The following UNC13C variants were observed in gnomAD, a reference collection of about 807,000 sequenced individuals.
UNC13C encodes unc-13 homolog C.
In UNC13C, 174 loss-of-function variants were observed where a neutral mutation model predicts 245.4. That is an observed-to-expected ratio of 0.71 (90% CI 0.63 to 0.80). The LOEUF (loss-of-function observed/expected upper bound fraction) is 0.80, where lower values mean the gene tolerates loss of function less well. UNC13C is among the 30% of genes least tolerant of loss of function. The pLI, the probability that UNC13C is intolerant of heterozygous loss-of-function variation, is 0.00. For synonymous variants in UNC13C, 992 were observed against 895.1 expected (o/e 1.11, Z -1.93); for missense variants, 2,829 against 2,602.9 (o/e 1.09, Z -1.89).
chr15:53,961,247 C>T, the UNC13C span, among the ~76,000 whole-genome samples: 1 of 152,246 alleles, frequency 6.6e-6, no homozygotes, highest in Non-Finnish European at 1.5e-5. Context: ...GGCACAGCAC[C>T]GGACCATGAA....
At chr15:53,997,726 T>C (rs545056355) in intron 1 of UNC13C, among the ~76,000 whole-genome samples, 1 of 152,292 alleles carries the variant, frequency 6.6e-6, no homozygotes, top group Admixed American at 6.5e-5. Flanking sequence ...GTTATATCAG[T>C]ATCACTACTA....
chr15:54,416,288 C>T (rs2140952424), intron 19 of UNC13C, among the ~76,000 whole-genome samples: 1 of 152,178 alleles, frequency 6.6e-6, no homozygotes, highest in East Asian at 1.9e-4. Flanking sequence ...TCGTGTTTAT[C>T]ATGCTAATGT....
chr15:54,574,290 A>G (rs1466183285), intron 30 of UNC13C, among the ~76,000 whole-genome samples: 1 of 151,966 alleles, frequency 6.6e-6, no homozygotes, highest in Non-Finnish European at 1.5e-5. Context: ...TAAAATTGAT[A>G]GTTAGCTTGA....
intron 2 of UNC13C, among the ~76,000 whole-genome samples, chr15:54,108,019 A>G (rs1900534679): frequency 6.6e-6 from 1 of 152,198 alleles, no homozygotes; most frequent in South Asian, 2.1e-4. Flanking sequence ...TAAAAGAGAA[A>G]AAAACATACT....
chr15:54,310,732 C>A (rs2037845667), intron 13 of UNC13C, among the ~76,000 whole-genome samples: 1 of 143,290 alleles, frequency 7.0e-6, no homozygotes, highest in Non-Finnish European at 1.5e-5. Flanking sequence ...TTTATCCCGC[C>A]TCATTTTATA....
At chr15:54,313,064 C>A (rs1031186411) in intron 13 of UNC13C, among the ~76,000 whole-genome samples, 11 of 151,594 alleles carry the variant, frequency 7.3e-5, no homozygotes, top group Admixed American at 5.9e-4. Flanking sequence ...TCCATCATGC[C>A]CCAGAAATCA....
Position 54,015,897 on chromosome 15 carries a change from T to C in UNC13C, c.2983+11T>C. On this transcript the variant is annotated intron_variant, in intron 2 of 32. Coordinates refer to ENST00000260323, the MANE Select transcript of UNC13C (RefSeq NM_001080534.3). ...AGATCTTGGCTGGAGGTATTCATGT[T>C]TAAATGCTACATTGTGAGCTAATTG... is the stretch of plus-strand genomic sequence containing the variant. 6.4e-7 allele frequency: 1 copy of C among 1,551,232 alleles called. No individual in the cohort carries two copies. Among genetic ancestry groups the C allele is most frequent in the Non-Finnish European group, 8.7e-7 (1 of 1,151,120 alleles).
At chr15:54,031,472 C>T (rs1172883817) in intron 2 of UNC13C, among the ~76,000 whole-genome samples, 2 of 152,238 alleles carry the variant, frequency 1.3e-5, no homozygotes, top group Non-Finnish European at 2.9e-5. Context: ...ATCTGCCCGC[C>T]TCGGCTTCCC....
chr15:54,087,028 C>A lies in UNC13C; in HGVS notation c.2984-55990C>A, dbSNP rs114999704. ...GGATTACAGACGTGAGCCACTGCAC[C>A]TGGCCTTTTGCTTATTTTCCACCTC... On this transcript the variant is annotated intron_variant, in intron 2 of 32. Transcript: ENST00000260323. 3.4e-3 allele frequency among the ~76,000 whole-genome samples: 521 copies of A among 152,190 alleles called. 6 individuals carry two copies. Among genetic ancestry groups the A allele is most frequent in the African/African-American group, 0.012 (507 of 41,518 alleles).
At chr15:54,198,570 C>T (rs928829347) in intron 4 of UNC13C, among the ~76,000 whole-genome samples, 1 of 152,156 alleles carries the variant, frequency 6.6e-6, no homozygotes, top group African/African-American at 2.4e-5. Flanking sequence ...CAACCCAGAG[C>T]CTGGCAGCTC....
intron 19 of UNC13C, among the ~76,000 whole-genome samples, chr15:54,437,322 G>A (rs1890272419): frequency 1.3e-5 from 2 of 151,890 alleles, no homozygotes; most frequent in African/African-American, 4.8e-5. Flanking sequence ...ATATTCAATA[G>A]CATCTAAATA....
At chr15:53,978,411 G>A (rs1273374360), upstream of UNC13C, among the ~76,000 whole-genome samples, 2 of 152,100 alleles carry the variant, frequency 1.3e-5, no homozygotes, top group African/African-American at 4.8e-5. Context: ...GGTGGAGGAG[G>A]CTGGGGATCG....
chr15:54,050,876 A>G (rs931218737), intron 2 of UNC13C: 24 of 558,806 alleles, frequency 4.3e-5, no homozygotes, highest in South Asian at 3.0e-4. Flanking sequence ...CTTCAGTCTC[A>G]TGACTCCACT....
At chr15:53,936,758 C>T in the UNC13C span, among the ~76,000 whole-genome samples, 4 of 152,238 alleles carry the variant, frequency 2.6e-5, no homozygotes, top group South Asian at 6.2e-4. Flanking sequence ...CTGGAGTGGA[C>T]CCCCAGCAAA....
intron 17 of UNC13C, among the ~76,000 whole-genome samples, chr15:54,364,084 C>T (rs2039300728): frequency 1.3e-5 from 2 of 152,178 alleles, no homozygotes; most frequent in African/African-American, 4.8e-5. Flanking sequence ...TTGACCTTTA[C>T]ATATTGCTGG....
chr15:54,204,061 T>C (rs1181429591), intron 4 of UNC13C, among the ~76,000 whole-genome samples: 3 of 151,676 alleles, frequency 2.0e-5, no homozygotes, highest in African/African-American at 4.8e-5. Flanking sequence ...AACCAAACAT[T>C]GTATGTTCTC....
chr15:54,211,013 C>T (rs181331539), intron 4 of UNC13C, among the ~76,000 whole-genome samples: 37 of 152,166 alleles, frequency 2.4e-4, no homozygotes, highest in East Asian at 1.2e-3. Flanking sequence ...ACTAGCAAGA[C>T]GTAAAGAAAT....
intron 11 of UNC13C, among the ~76,000 whole-genome samples, chr15:54,296,391 T>TTTTTTTTTTTTTTTTTTG (rs529076917): frequency 2.8e-4 from 38 of 137,896 alleles, no homozygotes; most frequent in African/African-American, 8.2e-4. Context: ...TTATTTTTTT[T>TTTTTTTTTTTTTTTTTTG]TATTTTTTAG....
At chr15:54,608,591 C>T (rs965000362) in intron 30 of UNC13C, among the ~76,000 whole-genome samples, 3 of 152,082 alleles carry the variant, frequency 2.0e-5, no homozygotes, top group Admixed American at 1.3e-4. Flanking sequence ...AATGTGTTAA[C>T]AAACAAATGA....
Sources: gnomAD v4.1 joint callset for allele counts (sites outside exome capture counted in the v4.1 genomes callset) on GRCh38, gnomAD v4.1.1 for gene constraint, MANE v1.5 for transcripts, NCBI Gene and HGNC (gene_info 2026-07-23, HGNC 2026-07-21) for gene names.